The following CCDC107 variants were observed in gnomAD, a reference collection of about 807,000 sequenced individuals.
CCDC107 encodes the protein coiled-coil domain containing 107.
Under a neutral mutation model 17.9 loss-of-function variants are expected in CCDC107, and 17 were observed. That is an observed-to-expected ratio of 0.95 (90% CI 0.65 to 1.42). CCDC107 has a LOEUF of 1.42. CCDC107 is among the 40% of genes most tolerant of loss of function. The pLI, the probability that CCDC107 is intolerant of heterozygous loss-of-function variation, is 0.00. For synonymous variants in CCDC107, 170 were observed against 157.2 expected, an observed-to-expected ratio of 1.08 and a Z score of -0.61; for missense variants, 388 against 360.1, an observed-to-expected ratio of 1.08 and a Z score of -0.63.
rs1274133896 is a variant in CCDC107 at position 35,661,277 on chromosome 9, GT to G, written c.*91del. The G allele has an allele frequency of 1.1e-6, 1 of 885,182 alleles. No individual in the cohort carries two copies. The allele number at this position is 885,182 out of a possible 1,614,324, so 54.8% of individuals were successfully genotyped here. A position where few individuals can be genotyped will look rare whatever the true frequency, so the allele number is the denominator to read the frequency against. On this transcript the variant is annotated 3_prime_UTR_variant, in exon 5 of 5. Coordinates refer to ENST00000426546, the MANE Select transcript of CCDC107 (RefSeq NM_174923.3). ...GACAACTGGGCCTTCTTGAAGAGCT[GT>G]CCTTATTAGGACAAAAAGAGGCTGC...
At chr9:35,659,303 A>G (rs1823761096) in intron 2 of CCDC107, 1 of 152,258 alleles carries the variant, frequency 6.6e-6, no homozygotes, top group African/African-American at 2.4e-5. Context: ...ATGAAACTAG[A>G]AGAGATAGCT....
chr9:35,661,162 G>C lies in CCDC107; in HGVS notation c.827G>C (p.Arg276Pro). The C allele has an allele frequency of 6.2e-7, 1 of 1,603,980 alleles. No individual in the cohort carries two copies. Among genetic ancestry groups the C allele is most frequent in the South Asian group, 1.1e-5 (1 of 90,154 alleles). The change falls in exon 5 of 5, where the codon CGA (arginine) becomes CCA (proline). Residue 276 changes from arginine (R) to proline (P), a missense_variant. Physicochemically the swap from Arg to Pro is moderately radical, Grantham distance 103. Transcript: ENST00000426546. The stretch of plus-strand genomic sequence containing the variant: ...GAAGGAGGGACGACAGCTGAAGGTC[G>C]ACTAAAACAAAGTCTGTTTTCATGA... ...GWEGGTTAEG[R>P]LKQSLFS
Position 35,658,607 on chromosome 9 carries a change from G to A in CCDC107, c.138G>A (p.Thr46=), listed in dbSNP as rs774439649. 1.9e-6 allele frequency: 3 copies of A among 1,581,674 alleles called. No individual in the cohort carries two copies. The highest frequency in any genetic ancestry group is 1.4e-5 in the African/African-American group (1 of 73,160). ...GNAAHPGSGA[T]EPRRRPPLKD... ...CAGCCCACCCCGGCTCTGGAGCCAC[G>A]GAACCCCGGCGGCGACCACCGCTCA... Residue 46 remains threonine (T), a synonymous_variant, in exon 2 of 5, where the codon ACG becomes ACA. Transcript: ENST00000426546.
At position 35,658,328 on chromosome 9, in the gene CCDC107, T is replaced by A; in HGVS notation, c.-52T>A. The A allele has an allele frequency of 7.6e-7, 1 of 1,309,484 alleles. No homozygotes were observed. The highest frequency in any genetic ancestry group is 2.2e-5 in the South Asian group (1 of 45,912). 81.1% of individuals were successfully genotyped at this position (1,309,484 alleles called of 1,614,324 possible). ...CGTGCGCGTTGGGGCGGCCGGCCAATGCCGGACCGCTTCGGCACCGCCCGC... is the reference window on the plus strand; with the variant it reads ...CGTGCGCGTTGGGGCGGCCGGCCAAAGCCGGACCGCTTCGGCACCGCCCGC... On this transcript the variant is annotated 5_prime_UTR_variant, in exon 1 of 5. The change abolishes an upstream ATG in the 5' untranslated region. Transcript: ENST00000426546.
Position 35,658,588 on chromosome 9 carries a change from AC to A in CCDC107, c.123del (p.Gly42AlafsTer72). 1 of 1,581,678 alleles carries A rather than the reference AC, an allele frequency of 6.3e-7. No homozygotes were observed. Among genetic ancestry groups the A allele is most frequent in the Admixed American group, 1.7e-5 (1 of 59,066 alleles). On this transcript the variant is annotated frameshift_variant, in exon 2 of 5. Coordinates refer to ENST00000426546, the MANE Select transcript of CCDC107 (RefSeq NM_174923.3). LOFTEE classifies it high-confidence loss of function. ...CCTCCCTCCGCAGGGAACGCAGCCC[AC>A]CCCGGCTCTGGAGCCACGGAACCCC... is the stretch of plus-strand genomic sequence containing the variant. ...DLRAHPGNAA[H>X]PGSGATEPRR...
At chr9:35,659,022 C>T (rs1475485693) in intron 2 of CCDC107, 2 of 280,950 alleles carry the variant, frequency 7.1e-6, no homozygotes, top group Non-Finnish European at 1.3e-5. Flanking sequence ...TCACCCAGCG[C>T]TGGCAACTGC....
rs1823947553 is a variant in CCDC107 at position 35,661,503 on chromosome 9, A to G, written c.*316A>G. 4.4e-6 allele frequency: 2 copies of G among 453,896 alleles called. No individual in the cohort carries two copies. Among genetic ancestry groups the G allele is most frequent in the South Asian group, 1.2e-4 (2 of 16,956 alleles). The allele number at this position is 453,896 out of a possible 1,614,324, so 28.1% of individuals were successfully genotyped here. ...AAATAAATGATAGAAACTATACACA[A>G]CATAAAAATAGCCACATTTACAAAG... is the stretch of plus-strand genomic sequence containing the variant. On this transcript the variant is annotated 3_prime_UTR_variant, in exon 5 of 5. Coordinates refer to ENST00000426546, the MANE Select transcript of CCDC107 (RefSeq NM_174923.3).
At position 35,658,730 on chromosome 9, in the gene CCDC107, A is replaced by G; in HGVS notation, c.258+3A>G. The G allele has an allele frequency of 6.7e-7, 1 of 1,495,372 alleles. No homozygotes were observed. The highest frequency in any genetic ancestry group is 1.4e-5 in the African/African-American group (1 of 68,978). 92.6% of individuals were successfully genotyped at this position (1,495,372 alleles called of 1,614,324 possible). ...TTGTGCTGTACAAGTGTTTGCAGGT[A>G]CGGGGCGGCCGGGGGTAGGGGTGCC... On this transcript the variant is annotated splice_donor_region_variant and intron_variant, in intron 2 of 4. Transcript: ENST00000426546.
chr9:35,660,320 T>C, intron 2 of CCDC107, 81 bp from the exon 3 acceptor site: 1 of 1,245,126 alleles, frequency 8.0e-7, no homozygotes, highest in Non-Finnish European at 1.1e-6. Flanking sequence ...AATTGCACTC[T>C]CTCTTGGCTG....
intron 2 of CCDC107, 50 bp downstream of exon 2, chr9:35,658,777 G>A (rs1823722342): frequency 1.6e-6 from 2 of 1,227,702 alleles, no homozygotes; most frequent in Non-Finnish European, 2.2e-6. Flanking sequence ...GGGACCGCCG[G>A]GCGTGGGGAT....
rs776686321 is a variant in CCDC107 at position 35,658,499 on chromosome 9, C to T, written c.106+14C>T. ...GGGCACACCCAGGTACCAGCTAGGG[C>T]TGCTGGAGGAGGGCTGGGACTGCGC... On this transcript the variant is annotated intron_variant, in intron 1 of 4. Coordinates refer to ENST00000426546, the MANE Select transcript of CCDC107 (RefSeq NM_174923.3). 1 of 1,484,352 alleles carries T rather than the reference C, an allele frequency of 6.7e-7. No homozygotes were observed. The highest frequency in any genetic ancestry group is 8.9e-7 in the Non-Finnish European group (1 of 1,117,908). 91.9% of individuals were successfully genotyped at this position (1,484,352 alleles called of 1,614,324 possible).
At chr9:35,660,209 T>C (rs1368407758) in intron 2 of CCDC107, 192 bp from the exon 3 acceptor site, 1 of 535,334 alleles carries the variant, frequency 1.9e-6, no homozygotes. Flanking sequence ...AAACTGACCA[T>C]GTGTGGGACA....
Position 35,658,625 on chromosome 9 carries a change from A to G in CCDC107, c.156A>G (p.Pro52=). Residue 52 remains proline, a synonymous_variant, in exon 2 of 5, where the codon CCA becomes CCG. Transcript: ENST00000426546. ...GSGATEPRRR[P]PLKDQRERTR... ...GAGCCACGGAACCCCGGCGGCGACC[A>G]CCGCTCAAGGATCAACGCGAGCGGA... is the stretch of plus-strand genomic sequence containing the variant. 1 of 1,571,228 alleles carries G rather than the reference A, an allele frequency of 6.4e-7. No individual in the cohort carries two copies. The highest frequency in any genetic ancestry group is 8.6e-7 in the Non-Finnish European group (1 of 1,162,002).
intron 2 of CCDC107, 43 bp downstream of exon 2, chr9:35,658,770 A>G: frequency 2.3e-6 from 3 of 1,313,046 alleles, no homozygotes; most frequent in East Asian, 2.8e-5. Context: ...CAGGTGCGGG[A>G]CCGCCGGGCG....
intron 2 of CCDC107, chr9:35,658,961 A>C: frequency 5.0e-6 from 2 of 400,268 alleles, no homozygotes; most frequent in Non-Finnish European, 4.5e-6. Context: ...AATAATGACT[A>C]TCACATTTAG....
In CCDC107 at chr9:35,661,332, G is replaced by T; in HGVS notation, c.*145G>T. 1 of 595,644 alleles carries T rather than the reference G, an allele frequency of 1.7e-6. No individual in the cohort carries two copies. The allele number at this position is 595,644 out of a possible 1,614,324, so 36.9% of individuals were successfully genotyped here. On this transcript the variant is annotated 3_prime_UTR_variant, in exon 5 of 5. Transcript: ENST00000426546. ...CCAGTGTGACAGCAGAGAAGATAGA[G>T]GGAGCTCCAGCTCTTTTCCTCGTAT...
rs1198799247 is a variant in CCDC107, at chr9:35,660,852, G to A, written c.517G>A (p.Glu173Lys). 1.9e-6 allele frequency: 3 copies of A among 1,614,188 alleles called. No homozygotes were observed. In the South Asian group the frequency reaches 3.3e-5, roughly 18 times the overall value. The change falls in exon 5 of 5, where the codon GAA (glutamate) becomes AAA (lysine). Residue 173 changes from glutamate (E) to lysine (K), a missense_variant. Coordinates refer to ENST00000426546, the MANE Select transcript of CCDC107 (RefSeq NM_174923.3). ...GCCGGACAAGGATATGGAGGCTTCA[G>A]AACCAGGTGAAGGCTCGGGAGGCGA... ...SKPDKDMEAS[E>K]PGEGSGGESA... is the part of the protein sequence containing the mutation.
chr9:35,660,507 C>T lies in CCDC107; in HGVS notation c.319+46C>T, dbSNP rs2131819486. 2.5e-6 allele frequency: 4 copies of T among 1,612,892 alleles called. No individual in the cohort carries two copies. The South Asian group carries it at 3.3e-5, about 13-fold the overall frequency. On this transcript the variant is annotated intron_variant, in intron 3 of 4. Transcript: ENST00000426546. ...TGCTGGGTCGGGGGAGTTTAGGGGA[C>T]AGCAGAAGATACATAACCACTTCTG...
intron 3 of CCDC107, 30 bp downstream of exon 3, chr9:35,660,491 G>A (rs368340247): frequency 2.9e-5 from 46 of 1,613,112 alleles, no homozygotes; most frequent in Admixed American, 2.2e-4. Flanking sequence ...GTGCTGGGTC[G>A]GGGGAGTTTA....
Sources: gnomAD v4.1 joint callset for allele counts on GRCh38, gnomAD v4.1.1 for gene constraint, MANE v1.5 for transcripts, NCBI Gene and HGNC (gene_info 2026-07-23, HGNC 2026-07-21) for gene names.